The following DNAH7 variants were observed in gnomAD, a reference collection of about 807,000 sequenced individuals.
DNAH7 encodes dynein axonemal heavy chain 7, also known as axonemal beta dynein heavy chain 7.
Under a neutral mutation model 444.6 loss-of-function variants are expected in DNAH7, and 397 were observed. That is an observed-to-expected ratio of 0.89 (90% CI 0.82 to 0.97). The LOEUF (loss-of-function observed/expected upper bound fraction) is 0.97. Among genes scored for constraint, DNAH7 ranks in the 50% least tolerant of loss-of-function variants. The probability of loss-of-function intolerance (pLI) is 0.00; values close to 1 mark genes in which losing one functional copy is unlikely to be tolerated. For synonymous variants in DNAH7, 1,636 were observed against 1,624.4 expected, an observed-to-expected ratio of 1.01 and a Z score of -0.17; for missense variants, 4,902 against 4,800.8, an observed-to-expected ratio of 1.02 and a Z score of -0.62.
At position 196,062,679 on chromosome 2, in the gene DNAH7, C is replaced by T. The variant is rs16844431; in HGVS notation, c.16-4563G>A. On this transcript the variant is annotated intron_variant, in intron 1 of 64. Transcript: ENST00000312428. ...GCAGTTGGGGACACTATCGCCCCTA[C>T]GATCACAGGCCAATCCCTCCATCTC... 0.02 allele frequency among the ~76,000 whole-genome samples: 2,972 copies of T among 152,242 alleles called. 247 individuals carry two copies. In the East Asian group the frequency reaches 0.27, roughly 14 times the overall value.
intron 57 of DNAH7, among the ~76,000 whole-genome samples, chr2:195,793,389 G>A (rs1376679149): frequency 6.6e-6 from 1 of 152,214 alleles, no homozygotes; most frequent in Non-Finnish European, 1.5e-5. Flanking sequence ...GACCTGAAAT[G>A]TAGGTGACTA....
At chr2:196,033,536 G>A (rs951164510) in intron 5 of DNAH7, among the ~76,000 whole-genome samples, 4 of 152,104 alleles carry the variant, frequency 2.6e-5, no homozygotes, top group Non-Finnish European at 5.9e-5. Flanking sequence ...TTAAACATAT[G>A]AGAACATGCA....
intron 49 of DNAH7, among the ~76,000 whole-genome samples, chr2:195,821,816 T>G (rs558610370): frequency 6.6e-6 from 1 of 152,306 alleles, no homozygotes; most frequent in African/African-American, 2.4e-5. Flanking sequence ...GTGGGAGATA[T>G]CGTGTTTCCC....
At chr2:195,802,497 T>C (rs1386008401) in intron 54 of DNAH7, among the ~76,000 whole-genome samples, 7 of 151,852 alleles carry the variant, frequency 4.6e-5, no homozygotes, top group East Asian at 1.9e-4. Flanking sequence ...CGAAACTCCA[T>C]CTCAAAAAAA....
At chr2:195,887,795 C>T (rs1056491278) in intron 33 of DNAH7, among the ~76,000 whole-genome samples, 4 of 152,086 alleles carry the variant, frequency 2.6e-5, no homozygotes, top group Non-Finnish European at 1.5e-5. Flanking sequence ...TTCCCATTTC[C>T]TTGTCATTTT....
At chr2:195,888,225 A>G in intron 33 of DNAH7, 33 bp downstream of exon 33, 1 of 1,551,240 alleles carries the variant, frequency 6.4e-7, no homozygotes, top group Non-Finnish European at 8.7e-7. Context: ...TTTTCCATTT[A>G]TTTTTTAATC....
Position 195,886,238 on chromosome 2 carries a change from C to T in DNAH7, c.5441G>A (p.Arg1814Gln), listed in dbSNP as rs753498231. The change falls in exon 34 of 65, where the codon CGG becomes CAG. Residue 1814 changes from arginine to glutamine, a missense_variant. By Grantham distance (43) the Arg-to-Gln change is conservative. Coordinates refer to ENST00000312428, the MANE Select transcript of DNAH7 (RefSeq NM_018897.3). ...LSPTSDTNLV[R>Q]SLMNLIDCFM... is the part of the protein sequence containing the mutation. ...ACAGTCTATTAGATTCATTAAGGAC[C>T]GGACCAAGTTTGTATCGGAAGTAGG... 32 of 1,612,642 alleles carry T rather than the reference C, an allele frequency of 2.0e-5. No individual in the cohort carries two copies. The highest frequency in any genetic ancestry group is 3.3e-4 in the Middle Eastern group (2 of 6,074).
intron 33 of DNAH7, 104 bp downstream of exon 33, chr2:195,888,154 T>C (rs1225821919): frequency 1.1e-6 from 1 of 931,016 alleles, no homozygotes; most frequent in Non-Finnish European, 1.5e-6. Context: ...GGTTTTGATT[T>C]AATATCTCTT....
Position 195,809,746 on chromosome 2 carries a change from G to A in DNAH7, c.9887C>T (p.Ala3296Val), listed in dbSNP as rs144753545. ...CTTACAAATGAAAACAGTACTGACCGCCCGCTCATGCAGCAGTAGATTTAT... is the reference window on the plus strand; with the variant it reads ...CTTACAAATGAAAACAGTACTGACCACCCGCTCATGCAGCAGTAGATTTAT... Reference protein sequence around the residue: ...LTINLLLHERAINKAEWRFLL... With the variant: ...LTINLLLHERVINKAEWRFLL... Residue 3296 changes from alanine (A) to valine (V), a missense_variant and splice_region_variant, in exon 52 of 65, where the codon GCG becomes GTG. Coordinates refer to ENST00000312428, the MANE Select transcript of DNAH7 (RefSeq NM_018897.3). The A allele has an allele frequency of 1.1e-5, 18 of 1,576,934 alleles. No individual in the cohort carries two copies. The highest frequency in any genetic ancestry group is 6.0e-5 in the South Asian group (5 of 83,738).
At chr2:195,777,588 C>T (rs1310201181) in intron 59 of DNAH7, among the ~76,000 whole-genome samples, 3 of 152,120 alleles carry the variant, frequency 2.0e-5, no homozygotes, top group African/African-American at 7.2e-5. Flanking sequence ...GCGTGAGACA[C>T]GTTTCTGATA....
intron 38 of DNAH7, 49 bp downstream of exon 38, chr2:195,875,626 T>C (rs1246653782): frequency 2.0e-6 from 3 of 1,509,258 alleles, no homozygotes; most frequent in African/African-American, 1.4e-5. Flanking sequence ...CTTTAGCTAT[T>C]GCTAGGGAGA....
At chr2:195,806,152 A>G (rs1341994288) in intron 54 of DNAH7, among the ~76,000 whole-genome samples, 1 of 151,928 alleles carries the variant, frequency 6.6e-6, no homozygotes, top group African/African-American at 2.4e-5. Flanking sequence ...GTATCGGTCA[A>G]TATTCATAGG....
intron 53 of DNAH7, 58 bp downstream of exon 53, chr2:195,808,624 C>T (rs770953138): frequency 1.3e-6 from 2 of 1,575,230 alleles, no homozygotes; most frequent in Admixed American, 1.8e-5. Flanking sequence ...TGAAAAGATA[C>T]TTAACATTCT....
At chr2:196,057,574 A>C (rs1214850510) in intron 2 of DNAH7, among the ~76,000 whole-genome samples, 1 of 152,234 alleles carries the variant, frequency 6.6e-6, no homozygotes, top group East Asian at 1.9e-4. Context: ...TGTACTTGAA[A>C]TGTCCAAGAT....
At chr2:195,861,533 A>C (rs1700015137) in intron 42 of DNAH7, among the ~76,000 whole-genome samples, 184 bp downstream of exon 42, 1 of 152,224 alleles carries the variant, frequency 6.6e-6, no homozygotes, top group South Asian at 2.1e-4. Context: ...CAATGTGCCC[A>C]TATGAGAAGG....
chr2:195,985,886 T>G (rs540970162), intron 14 of DNAH7, among the ~76,000 whole-genome samples: 35 of 152,316 alleles, frequency 2.3e-4, no homozygotes, highest in South Asian at 1.0e-3. Flanking sequence ...CTAGTCCTCT[T>G]TCACACAGTA....
intron 40 of DNAH7, 141 bp from the exon 41 acceptor site, chr2:195,865,162 A>G (rs1214012829): frequency 1.4e-6 from 1 of 707,164 alleles, no homozygotes; most frequent in Non-Finnish European, 2.2e-6. Context: ...AATAATCAGG[A>G]CTGATTCACA....
intron 18 of DNAH7, among the ~76,000 whole-genome samples, chr2:195,959,340 T>C (rs1690918667): frequency 6.6e-6 from 1 of 152,184 alleles, no homozygotes; most frequent in Non-Finnish European, 1.5e-5. Flanking sequence ...CTTCCCTCTT[T>C]TTCTATCTAA....
At position 195,794,378 on chromosome 2, in the gene DNAH7, G is replaced by C; in HGVS notation, c.10676C>G (p.Pro3559Arg). 1 of 1,614,068 alleles carries C rather than the reference G, an allele frequency of 6.2e-7. No homozygotes were observed. Residue 3559 changes from proline to arginine, a missense_variant, in exon 57 of 65, where the codon CCG (proline) becomes CGG (arginine). Pro to Arg is a moderately radical substitution (Grantham distance 103). Coordinates refer to ENST00000312428, the MANE Select transcript of DNAH7 (RefSeq NM_018897.3). ...GCCAAAGAACTCCGGATCAGAGATC[G>C]GGTCCATGAGGTATGATCGAATGAT... is the stretch of plus-strand genomic sequence containing the variant. Reference protein sequence around the residue: ...ANIIRSYLMDPISDPEFFGSC... With the variant: ...ANIIRSYLMDRISDPEFFGSC...
Sources: gnomAD v4.1 joint callset for allele counts (sites outside exome capture counted in the v4.1 genomes callset) on GRCh38, gnomAD v4.1.1 for gene constraint, MANE v1.5 for transcripts, NCBI Gene and HGNC (gene_info 2026-07-23, HGNC 2026-07-21) for gene names.